Variants in KLHL2 observed in about 807,000 individuals in gnomAD.
KLHL2 encodes kelch-like protein 2.
In KLHL2, 15 loss-of-function variants were observed where a neutral mutation model predicts 75.8. That is an observed-to-expected ratio of 0.20 (90% CI 0.13 to 0.30). The LOEUF (loss-of-function observed/expected upper bound fraction) is 0.30. KLHL2 is among the 10% of genes least tolerant of loss of function. The pLI, the probability that KLHL2 is intolerant of heterozygous loss-of-function variation, is 1.00. For missense variants in KLHL2, 381 were observed against 741.0 expected (o/e 0.51, Z 5.64); for synonymous variants, 214 against 251.9 (o/e 0.85, Z 1.42).
chr4:165,312,143 C>T (rs1746252088), intron 11 of KLHL2, among the ~76,000 whole-genome samples: 1 of 152,100 alleles, frequency 6.6e-6, no homozygotes, highest in African/African-American at 2.4e-5. Flanking sequence ...AAGTAGAGCT[C>T]AGCTGTAATA....
At chr4:165,282,265 T>C (rs1170627924) in intron 5 of KLHL2, among the ~76,000 whole-genome samples, 1 of 152,210 alleles carries the variant, frequency 6.6e-6, no homozygotes, top group Non-Finnish European at 1.5e-5. Context: ...TTACAGCAAG[T>C]GTGCAGTAAC....
intron 13 of KLHL2, among the ~76,000 whole-genome samples, chr4:165,314,825 A>G (rs941494141): frequency 1.4e-4 from 22 of 152,194 alleles, no homozygotes; most frequent in African/African-American, 5.1e-4. Context: ...GCCTTTCAGG[A>G]AATGCTAGGA....
At chr4:165,314,518 A>G (rs1045829310) in intron 13 of KLHL2, among the ~76,000 whole-genome samples, 4 of 152,176 alleles carry the variant, frequency 2.6e-5, no homozygotes, top group African/African-American at 9.6e-5. Flanking sequence ...AGTGCCTACT[A>G]TGTATCTATC....
chr4:165,223,834 T>G lies in KLHL2; in HGVS notation c.152+3775T>G, dbSNP rs183510712. The stretch of plus-strand genomic sequence containing the variant: ...ATTTTCAAAATCAACCCAATAGATC[T>G]TCACAGAATGCTTATAATGTGCAAC... On this transcript the variant is annotated intron_variant, in intron 2 of 14. Transcript: ENST00000226725. 1,824 of 242,280 alleles carry G rather than the reference T, an allele frequency of 7.5e-3. 26 individuals are homozygous for G. The highest frequency in any genetic ancestry group is 0.037 in the African/African-American group (1,577 of 42,204). The allele number at this position is 242,280 out of a possible 1,614,324, so 15.0% of individuals were successfully genotyped here. A position where few individuals can be genotyped will look rare whatever the true frequency, so the allele number is the denominator to read the frequency against.
chr4:165,236,963 G>C lies in KLHL2; in HGVS notation c.260-1815G>C, dbSNP rs554507088. On this transcript the variant is annotated intron_variant, in intron 3 of 14. Coordinates refer to ENST00000226725, the MANE Select transcript of KLHL2 (RefSeq NM_007246.4). ...TTTTCAGTCATACATGTAAATTAAAGTCCCACTTGGTTTTGCCTAAGGTAA... is the reference window on the plus strand; with the variant it reads ...TTTTCAGTCATACATGTAAATTAAACTCCCACTTGGTTTTGCCTAAGGTAA... Among the ~76,000 whole-genome samples the C allele has an allele frequency of 2.2e-3, 327 of 150,446 alleles. 2 individuals are homozygous for C. The highest frequency in any genetic ancestry group is 7.8e-3 in the African/African-American group (318 of 40,718).
intron 5 of KLHL2, among the ~76,000 whole-genome samples, chr4:165,266,207 A>C (rs1288304980): frequency 7.9e-5 from 12 of 152,006 alleles, no homozygotes. Flanking sequence ...TTCTTTGTAG[A>C]GTCTGGATAT....
intron 4 of KLHL2, among the ~76,000 whole-genome samples, chr4:165,241,848 A>G (rs562201868): frequency 1.8e-4 from 28 of 152,314 alleles, no homozygotes; most frequent in Admixed American, 3.9e-4. Flanking sequence ...AAGGTTGTTA[A>G]CTTGGAGTCA....
Position 165,299,590 on chromosome 4 carries a change from A to C in KLHL2, c.855A>C (p.Pro285=). 2.5e-6 allele frequency: 4 copies of C among 1,613,884 alleles called. 1 individual carries two copies. In the South Asian group the frequency reaches 4.4e-5, roughly 18 times the overall value. ...AAGCAATGAAGTACCATTTGCTGCC[A>C]ACAGAGCAGCGTATATTAATGAAGA... is the stretch of plus-strand genomic sequence containing the variant. ...LIEAMKYHLL[P]TEQRILMKSV... is the part of the protein sequence containing the mutation. The change falls in exon 8 of 15, where the codon CCA becomes CCC. Residue 285 remains proline (P), a synonymous_variant. Coordinates refer to ENST00000226725, the MANE Select transcript of KLHL2 (RefSeq NM_007246.4).
At chr4:165,228,147 C>G (rs1302073699) in intron 2 of KLHL2, among the ~76,000 whole-genome samples, 1 of 152,252 alleles carries the variant, frequency 6.6e-6, no homozygotes, top group African/African-American at 2.4e-5. Context: ...ATCCATCCAT[C>G]TACCTTGGCC....
At chr4:165,238,280 C>G (rs1560995809) in intron 3 of KLHL2, among the ~76,000 whole-genome samples, 1 of 152,226 alleles carries the variant, frequency 6.6e-6, no homozygotes, top group Non-Finnish European at 1.5e-5. Context: ...GTTGTGACCT[C>G]TCACTGAGGG....
intron 3 of KLHL2, among the ~76,000 whole-genome samples, chr4:165,234,016 G>A (rs1254765528): frequency 1.3e-5 from 2 of 152,178 alleles, no homozygotes; most frequent in Admixed American, 6.5e-5. Flanking sequence ...AATGAAAGAT[G>A]CCTGCAAGAG....
chr4:165,290,155 G>T (rs537602861), intron 5 of KLHL2, among the ~76,000 whole-genome samples: 107 of 149,604 alleles, frequency 7.2e-4, no homozygotes, highest in African/African-American at 2.5e-3. Context: ...TTTTTTATTT[G>T]TTTTTTTTTG....
intron 4 of KLHL2, among the ~76,000 whole-genome samples, chr4:165,251,820 G>A (rs1189387388): frequency 4.6e-5 from 7 of 151,652 alleles, no homozygotes; most frequent in African/African-American, 1.7e-4. Context: ...CGTTTTAGCC[G>A]GGATGGTCTC....
chr4:165,295,486 GAGAAGAGAAGATTAGC>G (rs894638125), intron 6 of KLHL2, among the ~76,000 whole-genome samples: 32 of 152,268 alleles, frequency 2.1e-4, no homozygotes, highest in Admixed American at 1.9e-3. Flanking sequence ...TGGGCTCCTA[GAGAAGAGAAGATTAGC>G]AGAATAGAAT....
At chr4:165,300,299 GAAA>G (rs557406496) in intron 8 of KLHL2, among the ~76,000 whole-genome samples, 3 of 86,862 alleles carry the variant, frequency 3.5e-5, no homozygotes, top group Admixed American at 1.2e-4. Flanking sequence ...CTCAAAAAAA[GAAA>G]AAAAAAAAAA....
intron 6 of KLHL2, among the ~76,000 whole-genome samples, chr4:165,297,208 TA>T (rs893865294): frequency 9.2e-5 from 14 of 151,678 alleles, no homozygotes; most frequent in African/African-American, 2.7e-4. Flanking sequence ...TTTTAATTTG[TA>T]AAAAAAAATT....
chr4:165,264,678 A>ATGTGTGTGTG (rs1202309635), intron 5 of KLHL2, among the ~76,000 whole-genome samples: 1 of 64,816 alleles, frequency 1.5e-5, no homozygotes, highest in African/African-American at 4.5e-5. Flanking sequence ...ACATACGTAT[A>ATGTGTGTGTG]TGTATGTGTG....
intron 3 of KLHL2, among the ~76,000 whole-genome samples, chr4:165,235,155 A>G (rs1259571875): frequency 6.6e-6 from 1 of 152,272 alleles, no homozygotes; most frequent in Non-Finnish European, 1.5e-5. Flanking sequence ...TACGTTAAGT[A>G]AAAATGCTAT....
chr4:165,264,680 GTA>G (rs1259800883), intron 5 of KLHL2, among the ~76,000 whole-genome samples: 62 of 53,730 alleles, frequency 1.2e-3, no homozygotes, highest in Middle Eastern at 0.01. Context: ...ATACGTATAT[GTA>G]TGTGTGTGTG....
Sources: gnomAD v4.1 joint callset for allele counts (sites outside exome capture counted in the v4.1 genomes callset) on GRCh38, gnomAD v4.1.1 for gene constraint, MANE v1.5 for transcripts, NCBI Gene and HGNC (gene_info 2026-07-23, HGNC 2026-07-21) for gene names.